ESAM: variants seen among roughly 807,000 people sequenced by gnomAD.
The protein encoded by ESAM is endothelial cell adhesion molecule, also known as endothelial cell-selective adhesion molecule.
In ESAM, 23 loss-of-function variants were observed where a neutral mutation model predicts 31.8. The observed-to-expected ratio is 0.72, with a 90% CI of 0.52 to 1.03. The LOEUF (loss-of-function observed/expected upper bound fraction) is 1.03. Among genes scored for constraint, ESAM ranks in the 50% least tolerant of loss-of-function variants. The probability of loss-of-function intolerance (pLI) is 0.00; values close to 1 mark genes in which losing one functional copy is unlikely to be tolerated. For missense variants in ESAM, 478 were observed against 488.9 expected, an observed-to-expected ratio of 0.98 and a Z score of 0.21; for synonymous variants, 216 against 207.2, an observed-to-expected ratio of 1.04 and a Z score of -0.37.
intron 1 of ESAM, among the ~76,000 whole-genome samples, chr11:124,760,454 C>A (rs1455080262): frequency 6.6e-6 from 1 of 152,266 alleles, no homozygotes; most frequent in Non-Finnish European, 1.5e-5. Context: ...TTTAGTCTCC[C>A]TCTTTCTCTG....
At chr11:124,761,626 G>C (rs1944229355) in intron 1 of ESAM, among the ~76,000 whole-genome samples, 1 of 152,194 alleles carries the variant, frequency 6.6e-6, no homozygotes, top group Non-Finnish European at 1.5e-5. Context: ...TTGACACGAA[G>C]TGCGTGTGTC....
rs1397447123 is a variant in ESAM, at chr11:124,756,145, G to T, written c.607+62C>A. 4 of 1,605,414 alleles carry T rather than the reference G, an allele frequency of 2.5e-6. No individual in the cohort carries two copies. The African/African-American group carries it at 4.0e-5, about 16-fold the overall frequency. On this transcript the variant is annotated intron_variant, in intron 4 of 6. Transcript: ENST00000278927. ...CTCCCCTTTTCACCCCAGTCCCTGT[G>T]GTACCTCTCATCTTTCCCCTTCCCC...
At position 124,754,038 on chromosome 11, in the gene ESAM, T is replaced by A; in HGVS notation, c.858-77A>T. On this transcript the variant is annotated intron_variant, in intron 6 of 6. Coordinates refer to ENST00000278927, the MANE Select transcript of ESAM (RefSeq NM_138961.3). The surrounding 1 kb of genome is among the most constrained non-coding windows in gnomAD (Gnocchi z 4.5). ...GAGAGTTTCTACCTGCTTGGTCTTA[T>A]ATACCACCTCTGCCTGCACACTTCA... 5 of 1,573,546 alleles carry A rather than the reference T, an allele frequency of 3.2e-6. No homozygotes were observed. Among genetic ancestry groups the A allele is most frequent in the Non-Finnish European group, 4.3e-6 (5 of 1,155,810 alleles).
intron 1 of ESAM, among the ~76,000 whole-genome samples, chr11:124,761,737 T>A (rs904694298): frequency 2.9e-5 from 4 of 138,436 alleles, no homozygotes; most frequent in African/African-American, 1.1e-4. Context: ...TTAAGCTCTT[T>A]AGCCAGTGTC....
At position 124,759,704 on chromosome 11, in the gene ESAM, C is replaced by A. The variant is rs1944204502; in HGVS notation, c.71-1177G>T. Among the ~76,000 whole-genome samples the A allele has an allele frequency of 6.6e-6, 1 of 152,252 alleles. No homozygotes were observed. The highest frequency in any genetic ancestry group is 2.4e-5 in the African/African-American group (1 of 41,468). ...CTTCCCGGCTGCGCCGTACAGAACC[C>A]CCACCTCTGTTACTTGGCCTTCGCA... is the stretch of plus-strand genomic sequence containing the variant. On this transcript the variant is annotated intron_variant, in intron 1 of 6. Coordinates refer to ENST00000278927, the MANE Select transcript of ESAM (RefSeq NM_138961.3). This position sits in a 1 kb window ranked among gnomAD's most constrained non-coding sequence, Gnocchi z 6.8.
chr11:124,758,249 G>GC (rs1944179715), intron 2 of ESAM, 100 bp downstream of exon 2: 4 of 1,384,392 alleles, frequency 2.9e-6, no homozygotes, highest in Non-Finnish European at 4.0e-6. Flanking sequence ...TCCTTCCCCG[G>GC]CCCCCATTCC....
Position 124,753,528 on chromosome 11 carries a change from G to A in ESAM, c.*118C>T, listed in dbSNP as rs974121982. ...TTTTCCCACAGTAAAGAGAGGTGGGGGCAGAGTACTAAGGGTCAGGAGTGT... is the reference window on the plus strand; with the variant it reads ...TTTTCCCACAGTAAAGAGAGGTGGGAGCAGAGTACTAAGGGTCAGGAGTGT... On this transcript the variant is annotated 3_prime_UTR_variant, in exon 7 of 7. Transcript: ENST00000278927. The A allele has an allele frequency of 9.2e-7, 1 of 1,083,158 alleles. No individual in the cohort carries two copies. Among genetic ancestry groups the A allele is most frequent in the Middle Eastern group, 2.1e-4 (1 of 4,844 alleles). The allele number at this position is 1,083,158 out of a possible 1,614,324, so 67.1% of individuals were successfully genotyped here. A position where few individuals can be genotyped will look rare whatever the true frequency, so the allele number is the denominator to read the frequency against.
At chr11:124,756,102 A>C in intron 4 of ESAM, 105 bp downstream of exon 4, 2 of 1,480,486 alleles carry the variant, frequency 1.4e-6, no homozygotes, top group South Asian at 1.2e-5. Context: ...CCTCCTCCCC[A>C]GTGCTTGTCA....
chr11:124,757,366 G>A (rs981855387), intron 2 of ESAM: 2 of 154,308 alleles, frequency 1.3e-5, no homozygotes, highest in Non-Finnish European at 2.9e-5. Context: ...GAGCGGTAGA[G>A]GCTGTAGTGA....
intron 1 of ESAM, among the ~76,000 whole-genome samples, chr11:124,758,859 T>C (rs1302447324): frequency 1.3e-5 from 2 of 152,144 alleles, no homozygotes; most frequent in South Asian, 2.1e-4. Flanking sequence ...GGGGAAGATA[T>C]GAGAAGAAAG....
chr11:124,756,858 T>C (rs764413870), intron 2 of ESAM, 116 bp from the exon 3 acceptor site: 128 of 1,094,550 alleles, frequency 1.2e-4, no homozygotes, highest in Non-Finnish European at 1.5e-4. Flanking sequence ...CATGCACCCA[T>C]TCTTCTAACC....
Position 124,762,062 on chromosome 11 carries a change from C to T in ESAM, c.70+23G>A, listed in dbSNP as rs763897414. The T allele has an allele frequency of 2.7e-5, 43 of 1,605,092 alleles. No homozygotes were observed. Among genetic ancestry groups the T allele is most frequent in the Middle Eastern group, 1.6e-4 (1 of 6,066 alleles). On this transcript the variant is annotated intron_variant, in intron 1 of 6. Transcript: ENST00000278927. The surrounding 1 kb of genome is among the most constrained non-coding windows in gnomAD (Gnocchi z 6.4). ...CACCCCATCCCGCATCCCAAGTCCC[C>T]TCCAGGTCCGGGTTTCACTCACCGA...
intron 2 of ESAM, chr11:124,757,018 G>A: frequency 2.1e-6 from 1 of 468,732 alleles, no homozygotes. Flanking sequence ...GGAGGGACAT[G>A]TAAATAGGAG....
In ESAM at chr11:124,758,552, T is replaced by C. The variant is rs773739714; in HGVS notation, c.71-25A>G. The C allele has an allele frequency of 3.1e-5, 46 of 1,490,510 alleles. 1 individual carries two copies. The South Asian group carries it at 6.2e-4, about 20-fold the overall frequency. 92.3% of individuals were successfully genotyped at this position (1,490,510 alleles called of 1,614,324 possible). A position where few individuals can be genotyped will look rare whatever the true frequency, so the allele number is the denominator to read the frequency against. ...GCTGGAGACAAGAGCGAGGCGTGAG[T>C]GCCCAGGACCGGCTCCCAGCTCCGC... On this transcript the variant is annotated intron_variant, in intron 1 of 6. Coordinates refer to ENST00000278927, the MANE Select transcript of ESAM (RefSeq NM_138961.3).
rs990067209 is a variant in ESAM, at chr11:124,759,871, G to A, written c.71-1344C>T. ...AAACAATCCCCGCCTCAAGGAGCTG[G>A]ACGCCCCCTGGGGACCCGGCCCGCT... On this transcript the variant is annotated intron_variant, in intron 1 of 6. Coordinates refer to ENST00000278927, the MANE Select transcript of ESAM (RefSeq NM_138961.3). The surrounding 1 kb of genome is among the most constrained non-coding windows in gnomAD (Gnocchi z 6.8). 6.6e-6 allele frequency among the ~76,000 whole-genome samples: 1 copy of A among 152,234 alleles called. No individual in the cohort carries two copies. The highest frequency in any genetic ancestry group is 1.5e-5 in the Non-Finnish European group (1 of 68,038).
In ESAM at chr11:124,753,610, G is replaced by C; in HGVS notation, c.*36C>G. 1 of 1,610,672 alleles carries C rather than the reference G, an allele frequency of 6.2e-7. No individual in the cohort carries two copies. The highest frequency in any genetic ancestry group is 8.5e-7 in the Non-Finnish European group (1 of 1,179,232). Reference sequence around the variant, plus strand: ...AGAGGTGACCCTTATAGGAAGGAGAGACCCCAAATCCTTTAGCCAATGAGT... The same window carrying C: ...AGAGGTGACCCTTATAGGAAGGAGACACCCCAAATCCTTTAGCCAATGAGT... On this transcript the variant is annotated 3_prime_UTR_variant, in exon 7 of 7. Coordinates refer to ENST00000278927, the MANE Select transcript of ESAM (RefSeq NM_138961.3).
In ESAM at chr11:124,756,602, C is replaced by A; in HGVS notation, c.390G>T (p.Val130=). Residue 130 remains valine (V), a synonymous_variant, in exon 3 of 7, where the codon GTG becomes GTT. Coordinates refer to ENST00000278927, the MANE Select transcript of ESAM (RefSeq NM_138961.3). ...DSGPYSCSVN[V]QDKQGKSRGH... Reference sequence around the variant, plus strand: ...CCCTAGATTTGCCTTGTTTGTCTTGCACATTCACGGAGCAGCTGTAGGGGC... The same window carrying A: ...CCCTAGATTTGCCTTGTTTGTCTTGAACATTCACGGAGCAGCTGTAGGGGC... The A allele has an allele frequency of 6.2e-7, 1 of 1,614,142 alleles. No homozygotes were observed. The highest frequency in any genetic ancestry group is 8.5e-7 in the Non-Finnish European group (1 of 1,180,014).
intron 1 of ESAM, among the ~76,000 whole-genome samples, chr11:124,761,546 T>C (rs1944227943): frequency 6.6e-6 from 1 of 151,966 alleles, no homozygotes; most frequent in Non-Finnish European, 1.5e-5. Context: ...GGTCGTCCTT[T>C]TGGGGCACCT....
At position 124,756,593 on chromosome 11, in the gene ESAM, T is replaced by C; in HGVS notation, c.399A>G (p.Lys133=). The change falls in exon 3 of 7, where the codon AAA becomes AAG. Residue 133 remains lysine (K), a synonymous_variant. Coordinates refer to ENST00000278927, the MANE Select transcript of ESAM (RefSeq NM_138961.3). ...TGCTGTGGCCCCTAGATTTGCCTTG[T>C]TTGTCTTGCACATTCACGGAGCAGC... is the stretch of plus-strand genomic sequence containing the variant. ...PYSCSVNVQD[K]QGKSRGHSIK... 6.2e-7 allele frequency: 1 copy of C among 1,614,142 alleles called. No individual in the cohort carries two copies. The highest frequency in any genetic ancestry group is 8.5e-7 in the Non-Finnish European group (1 of 1,180,020).
Sources: allele counts gnomAD v4.1 joint callset (sites outside exome capture counted in the v4.1 genomes callset), GRCh38; gene constraint gnomAD v4.1.1; non-coding constraint Gnocchi (gnomAD v3.1); transcripts MANE v1.5; gene names NCBI Gene and HGNC (gene_info 2026-07-23, HGNC 2026-07-21).